Variants in CACHD1 observed in about 807,000 individuals in gnomAD.
CACHD1 encodes VWFA and cache domain-containing protein 1.
CACHD1 carries 71 observed loss-of-function variants against 138.7 expected under a neutral mutation model. That is an observed-to-expected ratio of 0.51 (90% CI 0.42 to 0.62). The LOEUF is 0.62. Among genes scored for constraint, CACHD1 ranks in the 20% least tolerant of loss-of-function variants. CACHD1 has a pLI of 0.00. For missense variants in CACHD1, 1,389 were observed against 1,625.3 expected (o/e 0.85, Z 2.50); for synonymous variants, 578 against 591.5 (o/e 0.98, Z 0.33).
At chr1:64,475,696 G>A (rs892465425) in intron 1 of CACHD1, among the ~76,000 whole-genome samples, 2 of 152,042 alleles carry the variant, frequency 1.3e-5, no homozygotes, top group Non-Finnish European at 2.9e-5. Context: ...ACAGACGCCT[G>A]CCACGACACC....
At position 64,553,105 on chromosome 1, in the gene CACHD1, A is replaced by T. The variant is rs930672115; in HGVS notation, c.261+2449A>T. 9.8e-5 allele frequency among the ~76,000 whole-genome samples: 15 copies of T among 152,366 alleles called. 4 individuals are homozygous for T. Among genetic ancestry groups the T allele is most frequent in the Admixed American group, 3.3e-4 (5 of 15,310 alleles). ...ATTTAGCCTAAATTTTAGTATAAAC[A>T]GGTCTTAAATAATTTCTTCTTCTGT... On this transcript the variant is annotated intron_variant, in intron 2 of 26. Transcript: ENST00000651257.
chr1:64,629,371 G>A lies in CACHD1; in HGVS notation c.534G>A (p.Leu178=), dbSNP rs17383227. Reference sequence around the variant, plus strand: ...CACCTCTAGTTCTTGCAGACAACCTGAAATCCAACCCTGGAATTAAGTGGC... The same window carrying A: ...CACCTCTAGTTCTTGCAGACAACCTAAAATCCAACCCTGGAATTAAGTGGC... The part of the protein sequence containing the change: ...RDLNSVLADN[L]KSNPGIKWQY... The change falls in exon 5 of 27, where the codon CTG becomes CTA. Residue 178 remains leucine, a synonymous_variant. Transcript: ENST00000651257. 104,274 of 1,613,760 alleles carry A rather than the reference G, an allele frequency of 0.065. 3,889 individuals carry two copies. The highest frequency in any genetic ancestry group is 0.15 in the Admixed American group (9,008 of 59,994).
At chr1:64,523,903 G>A (rs1646517047) in intron 1 of CACHD1, among the ~76,000 whole-genome samples, 1 of 144,290 alleles carries the variant, frequency 6.9e-6, no homozygotes, top group Non-Finnish European at 1.5e-5. Context: ...AATGGCTATG[G>A]ACCTCAGTAA....
At chr1:64,579,303 T>A (rs968027559) in intron 2 of CACHD1, among the ~76,000 whole-genome samples, 1 of 152,232 alleles carries the variant, frequency 6.6e-6, no homozygotes, top group Non-Finnish European at 1.5e-5. Flanking sequence ...TGGAATATCT[T>A]GAGTTTAGCT....
At chr1:64,663,518 A>C (rs6679679) in intron 13 of CACHD1, among the ~76,000 whole-genome samples, 177 bp from the exon 14 acceptor site, 1 of 147,930 alleles carries the variant, frequency 6.8e-6, no homozygotes, top group African/African-American at 2.5e-5. Context: ...GCCACTTCAC[A>C]CCAGCCTGGG....
At chr1:64,498,706 A>G (rs1283286057) in intron 1 of CACHD1, among the ~76,000 whole-genome samples, 7 of 152,216 alleles carry the variant, frequency 4.6e-5, no homozygotes, top group African/African-American at 1.7e-4. Context: ...TTAATTTCAA[A>G]TACTTCTTGA....
intron 19 of CACHD1, 29 bp downstream of exon 19, chr1:64,673,493 C>G: frequency 6.7e-7 from 1 of 1,497,700 alleles, no homozygotes; most frequent in Non-Finnish European, 9.3e-7. Context: ...TTAACACTCT[C>G]ATTTTTCCAT....
chr1:64,603,400 G>A (rs368561040), intron 4 of CACHD1, among the ~76,000 whole-genome samples: 17 of 151,866 alleles, frequency 1.1e-4, no homozygotes, highest in Admixed American at 7.2e-4. Context: ...CACCACGCCC[G>A]GCCAATATCT....
chr1:64,534,742 G>A (rs1646618489), intron 1 of CACHD1, among the ~76,000 whole-genome samples: 1 of 152,330 alleles, frequency 6.6e-6, no homozygotes, highest in East Asian at 1.9e-4. Flanking sequence ...AACAGAGTTG[G>A]GCCATGACTG....
At chr1:64,647,770 T>C in intron 8 of CACHD1, 31 bp from the exon 9 acceptor site, 1 of 1,598,862 alleles carries the variant, frequency 6.3e-7, no homozygotes, top group Non-Finnish European at 8.6e-7. Context: ...CATTTTGCTT[T>C]CCGTGGTCTT....
chr1:64,493,578 A>G (rs1646290413), intron 1 of CACHD1, among the ~76,000 whole-genome samples: 2 of 152,226 alleles, frequency 1.3e-5, no homozygotes, highest in Non-Finnish European at 2.9e-5. Flanking sequence ...GTTATGGCCC[A>G]TAGCTGGACA....
intron 2 of CACHD1, among the ~76,000 whole-genome samples, chr1:64,573,767 T>A (rs192093009): frequency 3.3e-5 from 5 of 152,318 alleles, no homozygotes; most frequent in Non-Finnish European, 5.9e-5. Context: ...TTCTGTTTAT[T>A]AGCTTTGTGA....
At chr1:64,544,856 C>T (rs972572119) in intron 1 of CACHD1, among the ~76,000 whole-genome samples, 1 of 152,092 alleles carries the variant, frequency 6.6e-6, no homozygotes, top group African/African-American at 2.4e-5. Flanking sequence ...TAAAGATACC[C>T]CTTTTCTTGC....
chr1:64,635,169 A>G (rs1648474715), intron 7 of CACHD1, among the ~76,000 whole-genome samples: 1 of 151,790 alleles, frequency 6.6e-6, no homozygotes, highest in Admixed American at 6.6e-5. Flanking sequence ...TATTTAGATC[A>G]TGTCTGCACT....
At chr1:64,623,021 C>T (rs780490324) in intron 4 of CACHD1, among the ~76,000 whole-genome samples, 4 of 152,100 alleles carry the variant, frequency 2.6e-5, no homozygotes, top group East Asian at 1.9e-4. Flanking sequence ...CAGTGGTGTT[C>T]GGAGAAGGGA....
intron 7 of CACHD1, among the ~76,000 whole-genome samples, chr1:64,640,413 C>T (rs999360687): frequency 4.4e-4 from 66 of 149,408 alleles, no homozygotes; most frequent in African/African-American, 1.5e-3. Flanking sequence ...TGGTGGCTCA[C>T]GCCTGTAATC....
chr1:64,470,638 C>A lies in CACHD1; in HGVS notation c.-107C>A, dbSNP rs1215927176. The A allele has an allele frequency of 2.3e-6, 1 of 433,434 alleles. No individual in the cohort carries two copies. Among genetic ancestry groups the A allele is most frequent in the African/African-American group, 2.1e-5 (1 of 47,818 alleles). The allele number at this position is 433,434 out of a possible 1,614,324, so 26.8% of individuals were successfully genotyped here. A position where few individuals can be genotyped will look rare whatever the true frequency, so the allele number is the denominator to read the frequency against. On this transcript the variant is annotated 5_prime_UTR_variant, in exon 1 of 27. Coordinates refer to ENST00000651257, the MANE Select transcript of CACHD1 (RefSeq NM_020925.4). This position sits in a 1 kb window ranked among gnomAD's most constrained non-coding sequence, Gnocchi z 5.2. ...CCGCGGCGCGGAGCAGAGCCTGCAA[C>A]AGAGGAAGAAACTTTTGCGGGGTGC...
Position 64,678,146 on chromosome 1 carries a change from G to T in CACHD1, c.3093-13G>T, listed in dbSNP as rs770528162. 6.2e-7 allele frequency: 1 copy of T among 1,608,300 alleles called. No individual in the cohort carries two copies. Among genetic ancestry groups the T allele is most frequent in the Non-Finnish European group, 8.5e-7 (1 of 1,177,752 alleles). On this transcript the variant is annotated splice_polypyrimidine_tract_variant and intron_variant, in intron 22 of 26. Coordinates refer to ENST00000651257, the MANE Select transcript of CACHD1 (RefSeq NM_020925.4). ...ACTGCTTTATAGAAGACTAAGTATTGTTTTTCTGGCAGGGACTGTTTTGGG... is the reference window on the plus strand; with the variant it reads ...ACTGCTTTATAGAAGACTAAGTATTTTTTTTCTGGCAGGGACTGTTTTGGG...
At chr1:64,516,506 A>G (rs1246470894) in intron 1 of CACHD1, among the ~76,000 whole-genome samples, 1 of 152,214 alleles carries the variant, frequency 6.6e-6, no homozygotes, top group Non-Finnish European at 1.5e-5. Flanking sequence ...TTACTCATTT[A>G]TGAGATTCTG....
Sources: gnomAD v4.1 joint callset for allele counts (sites outside exome capture counted in the v4.1 genomes callset) on GRCh38, gnomAD v4.1.1 for gene constraint, Gnocchi (gnomAD v3.1) non-coding constraint, MANE v1.5 for transcripts, NCBI Gene and HGNC (gene_info 2026-07-23, HGNC 2026-07-21) for gene names.